The following RNF212 variants were observed in gnomAD, a reference collection of about 807,000 sequenced individuals.
RNF212 encodes the protein probable E3 SUMO-protein ligase RNF212.
A neutral mutation model predicts 34.7 loss-of-function variants in RNF212; 33 were observed. The ratio of observed to expected loss-of-function variants is 0.95; its 90% confidence interval spans 0.72 to 1.27. The LOEUF is 1.27. RNF212 is among the 50% of genes most tolerant of loss of function. RNF212 has a pLI of 0.00. For missense variants in RNF212, 377 were observed against 362.2 expected (o/e 1.04, Z -0.33); for synonymous variants, 140 against 136.1 (o/e 1.03, Z -0.20).
At chr4:1,076,485 G>A (rs1411820723) in intron 8 of RNF212, among the ~76,000 whole-genome samples, 1 of 152,156 alleles carries the variant, frequency 6.6e-6, no homozygotes, top group Non-Finnish European at 1.5e-5. Context: ...GCCCTGAACA[G>A]TGTGGGAGGT....
intron 4 of RNF212, among the ~76,000 whole-genome samples, chr4:1,089,690 G>A (rs534140813): frequency 4.0e-5 from 6 of 148,468 alleles, no homozygotes; most frequent in African/African-American, 1.6e-4. Context: ...GGAGGGATCC[G>A]GTGGGAAGTG....
chr4:1,098,361 G>C (rs977019192), intron 2 of RNF212, among the ~76,000 whole-genome samples: 2 of 152,220 alleles, frequency 1.3e-5, no homozygotes, highest in African/African-American at 2.4e-5. Context: ...AGACTGGCTT[G>C]GATCAGGATT....
At chr4:1,064,245 G>A (rs977853306) in intron 3 of RNF212, among the ~76,000 whole-genome samples, 1 of 152,206 alleles carries the variant, frequency 6.6e-6, no homozygotes, top group Non-Finnish European at 1.5e-5. Flanking sequence ...AAGCAGGTGG[G>A]AGGAAGCGGA....
At chr4:1,092,552 A>G (rs1367349246) in intron 3 of RNF212, among the ~76,000 whole-genome samples, 2 of 152,200 alleles carry the variant, frequency 1.3e-5, no homozygotes, top group African/African-American at 4.8e-5. Flanking sequence ...GACTTGAGAC[A>G]CTGGGTGTGG....
chr4:1,070,557 C>A (rs528305735), downstream of RNF212, among the ~76,000 whole-genome samples: 1 of 83,616 alleles, frequency 1.2e-5, no homozygotes, highest in Admixed American at 1.2e-4. Flanking sequence ...GCCTGAGTTA[C>A]AGGTGGTTTT....
intron 5 of RNF212, among the ~76,000 whole-genome samples, chr4:1,084,915 C>A (rs972422094): frequency 2.0e-5 from 3 of 152,220 alleles, no homozygotes; most frequent in Admixed American, 1.3e-4. Context: ...GCAATCAGAA[C>A]CTCGTGTCAG....
rs1718553952 is a variant in RNF212 at position 1,072,077 on chromosome 4, C to T, written c.*797G>A. The T allele has an allele frequency of 6.6e-6, 1 of 152,128 alleles. No homozygotes were observed. Among genetic ancestry groups the T allele is most frequent in the Non-Finnish European group, 1.5e-5 (1 of 68,034 alleles). The allele number at this position is 152,128 out of a possible 1,614,324, so 9.4% of individuals were successfully genotyped here. A position where few individuals can be genotyped will look rare whatever the true frequency, so the allele number is the denominator to read the frequency against. On this transcript the variant is annotated 3_prime_UTR_variant, in exon 10 of 10. Transcript: ENST00000433731. ...TACATCCAGATAATGGAATATTATT[C>T]AGTGACTGAAAAAATGAGCTAGCAA...
At chr4:1,093,361 G>T in intron 3 of RNF212, 1 of 1,172,836 alleles carries the variant, frequency 8.5e-7, no homozygotes, top group Non-Finnish European at 1.1e-6. Flanking sequence ...AATCCATGAT[G>T]TGTTAACATA....
upstream of RNF212, chr4:1,113,688 G>A (rs886842135): frequency 2.2e-5 from 10 of 463,824 alleles, no homozygotes; most frequent in African/African-American, 6.3e-5. Context: ...GGTCGTTTGG[G>A]CTGGAGTAGG....
chr4:1,099,847 G>A (rs1020782655), intron 2 of RNF212: 7 of 456,154 alleles, frequency 1.5e-5, no homozygotes, highest in Non-Finnish European at 3.1e-5. Flanking sequence ...GGGTACCCCT[G>A]TGCGGGATCC....
chr4:1,076,695 G>A (rs970866675), intron 8 of RNF212, among the ~76,000 whole-genome samples: 1 of 152,232 alleles, frequency 6.6e-6, no homozygotes, highest in African/African-American at 2.4e-5. Flanking sequence ...ACTCCAGGGT[G>A]ACAAGGCGTT....
intron 4 of RNF212, among the ~76,000 whole-genome samples, chr4:1,088,918 TGAGAAGATGTATGGAAATGCCTGGATGTC>T (rs1300831501): frequency 6.6e-6 from 1 of 152,214 alleles, no homozygotes; most frequent in East Asian, 1.9e-4. Flanking sequence ...CACCTAGATT[TGAGAAGATGTATGGAAATGCCTGGATGTC>T]CAGGCAGAAG....
rs112353217 is a variant in RNF212, at chr4:1,097,327, G to A, written c.172-488C>T. Among the ~76,000 whole-genome samples the A allele has an allele frequency of 4.0e-3, 607 of 152,280 alleles. 3 individuals are homozygous for A. Among genetic ancestry groups the A allele is most frequent in the African/African-American group, 0.014 (572 of 41,548 alleles). On this transcript the variant is annotated intron_variant, in intron 2 of 9. Transcript: ENST00000433731. ...TTTAAGAAACAGCGTCTCGTAGGTCGGGAGCGGTGGCTCAAGCTTGTAATC... is the reference window on the plus strand; with the variant it reads ...TTTAAGAAACAGCGTCTCGTAGGTCAGGAGCGGTGGCTCAAGCTTGTAATC...
intron 2 of RNF212, chr4:1,099,623 A>G (rs1327618978): frequency 4.8e-6 from 2 of 419,540 alleles, no homozygotes; most frequent in Middle Eastern, 3.9e-4. Context: ...CAGGAAAATC[A>G]CAAACGAATG....
At chr4:1,081,384 G>A (rs1301750460) in intron 7 of RNF212, 35 bp downstream of exon 7, 21 of 1,593,598 alleles carry the variant, frequency 1.3e-5, no homozygotes, top group Non-Finnish European at 1.7e-5. Flanking sequence ...GGAAAGACCT[G>A]CAGGTCCTGT....
chr4:1,058,995 CT>C (rs555192134), intron 3 of RNF212, among the ~76,000 whole-genome samples: 3 of 152,366 alleles, frequency 2.0e-5, no homozygotes, highest in African/African-American at 7.2e-5. Flanking sequence ...CTCCAGGCGC[CT>C]TGTAACATGA....
chr4:1,075,874 G>C (rs1303182402), intron 8 of RNF212, among the ~76,000 whole-genome samples: 4 of 151,980 alleles, frequency 2.6e-5, no homozygotes, highest in African/African-American at 9.7e-5. Flanking sequence ...TGTCACCCAG[G>C]CTGGTCTCAA....
intron 1 of RNF212, among the ~76,000 whole-genome samples, chr4:1,111,844 T>C (rs896885291): frequency 6.6e-6 from 1 of 152,166 alleles, no homozygotes; most frequent in South Asian, 2.1e-4. Context: ...CAAAGGGCCA[T>C]GGACAGTGGA....
Position 1,108,414 on chromosome 4 carries a change from A to G in RNF212, c.110-10T>C, listed in dbSNP as rs777106494. 16 of 1,430,630 alleles carry G rather than the reference A, an allele frequency of 1.1e-5. No individual in the cohort carries two copies. In the South Asian group the frequency reaches 2.3e-4, roughly 20 times the overall value. 88.6% of individuals were successfully genotyped at this position (1,430,630 alleles called of 1,614,324 possible). ...CATTCATTCTTTTTACCTATAAAATAAAAATAGGCTTTATTATATTAGACT... is the reference window on the plus strand; with the variant it reads ...CATTCATTCTTTTTACCTATAAAATGAAAATAGGCTTTATTATATTAGACT... On this transcript the variant is annotated splice_polypyrimidine_tract_variant and intron_variant, in intron 1 of 9. Transcript: ENST00000433731.
Sources: allele counts gnomAD v4.1 joint callset (sites outside exome capture counted in the v4.1 genomes callset), GRCh38; gene constraint gnomAD v4.1.1; transcripts MANE v1.5; gene names NCBI Gene and HGNC (gene_info 2026-07-23, HGNC 2026-07-21).